Variants in GSK3B observed in about 807,000 individuals in gnomAD.
The protein encoded by GSK3B is glycogen synthase kinase 3 beta, also known as glycogen synthase kinase-3 beta.
GSK3B carries 15 observed loss-of-function variants against 56.4 expected under a neutral mutation model. The ratio of observed to expected loss-of-function variants is 0.27; its 90% CI spans 0.18 to 0.41. The LOEUF is 0.41. Among genes scored for constraint, GSK3B ranks in the 10% least tolerant of loss-of-function variants. The pLI is 1.00. For synonymous variants in GSK3B, 181 were observed against 188.9 expected (o/e 0.96, Z 0.34); for missense variants, 300 against 513.4 (o/e 0.58, Z 4.02).
intron 7 of GSK3B, among the ~76,000 whole-genome samples, chr3:119,889,980 A>T (rs1210133097): frequency 6.6e-6 from 1 of 152,128 alleles, no homozygotes; most frequent in African/African-American, 2.4e-5. Context: ...TTTAAGACTA[A>T]ATCTAAAATT....
chr3:120,026,579 T>C (rs2057929219), intron 1 of GSK3B, among the ~76,000 whole-genome samples: 1 of 149,492 alleles, frequency 6.7e-6, no homozygotes, highest in South Asian at 2.1e-4. Flanking sequence ...TTTTTTTTTT[T>C]CTTTGAGACG....
At chr3:119,853,317 T>C (rs1230391911) in intron 9 of GSK3B, among the ~76,000 whole-genome samples, 5 of 152,350 alleles carry the variant, frequency 3.3e-5, no homozygotes, top group African/African-American at 1.2e-4. Context: ...GCTGTTTTGG[T>C]TACTGTAGCC....
At chr3:119,981,261 T>C (rs1393354962) in intron 2 of GSK3B, among the ~76,000 whole-genome samples, 1 of 152,246 alleles carries the variant, frequency 6.6e-6, no homozygotes, top group Non-Finnish European at 1.5e-5. Context: ...AGCTCCTGTC[T>C]GCAGCTCCCA....
intron 1 of GSK3B, among the ~76,000 whole-genome samples, chr3:120,083,737 C>G (rs1576317865): frequency 6.6e-6 from 1 of 152,110 alleles, no homozygotes; most frequent in Non-Finnish European, 1.5e-5. Flanking sequence ...TCATACTAGT[C>G]AAAAAGCAGA....
chr3:120,031,719 A>G (rs975167344), intron 1 of GSK3B, among the ~76,000 whole-genome samples: 3 of 152,170 alleles, frequency 2.0e-5, no homozygotes, highest in Non-Finnish European at 4.4e-5. Context: ...ATCTAAGCCT[A>G]TACTCTTTCC....
chr3:120,052,208 A>G (rs939759652), intron 1 of GSK3B, among the ~76,000 whole-genome samples: 11 of 152,230 alleles, frequency 7.2e-5, no homozygotes, highest in Non-Finnish European at 1.5e-5. Flanking sequence ...TAAAATGTTT[A>G]AAAGAATAGT....
At chr3:119,840,718 G>GT (rs2055759340) in intron 10 of GSK3B, among the ~76,000 whole-genome samples, 1 of 152,104 alleles carries the variant, frequency 6.6e-6, no homozygotes, top group Non-Finnish European at 1.5e-5. Context: ...ATAGAAAACT[G>GT]TTTAACTATA....
chr3:120,048,201 A>C (rs2058119248), intron 1 of GSK3B, among the ~76,000 whole-genome samples: 1 of 152,234 alleles, frequency 6.6e-6, no homozygotes, highest in Non-Finnish European at 1.5e-5. Context: ...TAAAAACAGA[A>C]TGATGCTAAA....
intron 1 of GSK3B, among the ~76,000 whole-genome samples, chr3:120,007,761 C>T (rs148033641): frequency 2.9e-4 from 44 of 152,262 alleles, no homozygotes; most frequent in African/African-American, 9.4e-4. Context: ...ATCGATGGAA[C>T]GTATCTCAAC....
intron 7 of GSK3B, among the ~76,000 whole-genome samples, chr3:119,878,591 T>C (rs2056341592): frequency 6.6e-6 from 1 of 152,086 alleles, no homozygotes; most frequent in Non-Finnish European, 1.5e-5. Context: ...ATACAACCCA[T>C]CATTCTCACT....
intron 1 of GSK3B, among the ~76,000 whole-genome samples, chr3:120,035,627 C>T (rs961664988): frequency 3.9e-5 from 6 of 151,952 alleles, no homozygotes; most frequent in African/African-American, 4.8e-5. Flanking sequence ...GATGTCCATC[C>T]TTTTTTTTAG....
At chr3:119,905,612 C>T (rs894696412) in intron 7 of GSK3B, 143 bp downstream of exon 7, 2 of 621,506 alleles carry the variant, frequency 3.2e-6, no homozygotes, top group Non-Finnish European at 5.8e-6. Context: ...TTCTTATACC[C>T]ACTTTATAGC....
chr3:119,903,851 C>G (rs912557576), intron 7 of GSK3B, among the ~76,000 whole-genome samples: 2 of 152,058 alleles, frequency 1.3e-5, no homozygotes, highest in Non-Finnish European at 2.9e-5. Flanking sequence ...TGATGGTGAG[C>G]TCAAGTACGT....
At chr3:119,903,003 C>T (rs2056640387) in intron 7 of GSK3B, among the ~76,000 whole-genome samples, 1 of 152,224 alleles carries the variant, frequency 6.6e-6, no homozygotes. Context: ...GCGTGAACTA[C>T]GGCCCCTGGC....
chr3:120,065,950 G>C (rs2058274935), intron 1 of GSK3B, among the ~76,000 whole-genome samples: 5 of 152,136 alleles, frequency 3.3e-5, no homozygotes, highest in Admixed American at 2.6e-4. Context: ...CTGGGGCAAG[G>C]GGGAAATGGG....
intron 3 of GSK3B, among the ~76,000 whole-genome samples, chr3:119,928,521 C>T (rs1205728438): frequency 6.8e-6 from 1 of 147,600 alleles, no homozygotes; most frequent in African/African-American, 2.5e-5. Flanking sequence ...AGAAGAATCG[C>T]TTGAACCCAG....
At chr3:119,993,217 CATA>C (rs774641940) in intron 2 of GSK3B, among the ~76,000 whole-genome samples, 1 of 149,418 alleles carries the variant, frequency 6.7e-6, no homozygotes, top group Non-Finnish European at 1.5e-5. Context: ...TAAGCCAGAA[CATA>C]ATGAGGTTGG....
At chr3:120,079,305 TACACACACACACACACACAC>T (rs61338597) in intron 1 of GSK3B, among the ~76,000 whole-genome samples, 125 of 128,482 alleles carry the variant, frequency 9.7e-4, no homozygotes, top group African/African-American at 1.5e-3. Context: ...GACAGGAAAT[TACACACACACACACACACAC>T]ACACACACAC....
intron 1 of GSK3B, among the ~76,000 whole-genome samples, chr3:120,018,213 A>C (rs759737163): frequency 6.6e-6 from 1 of 152,238 alleles, no homozygotes; most frequent in Non-Finnish European, 1.5e-5. Flanking sequence ...TCAAAAAATA[A>C]GTAAAATTGC....
Sources: gnomAD v4.1 joint callset for allele counts (sites outside exome capture counted in the v4.1 genomes callset) on GRCh38, gnomAD v4.1.1 for gene constraint, MANE v1.5 for transcripts, NCBI Gene and HGNC (gene_info 2026-07-23, HGNC 2026-07-21) for gene names.